The following TRPM6 variants were observed in gnomAD, a reference collection of about 807,000 sequenced individuals.
The protein encoded by TRPM6 is transient receptor potential cation channel subfamily M member 6, also known as channel kinase 2.
In TRPM6, 111 loss-of-function variants were observed where a neutral mutation model predicts 247.6. That is an observed-to-expected ratio of 0.45 (90% confidence interval 0.38 to 0.52). The LOEUF (loss-of-function observed/expected upper bound fraction) is 0.52, where lower values mean the gene tolerates loss of function less well. Ranked by LOEUF, TRPM6 falls within the 20% of genes least tolerant of loss-of-function variation. The pLI is 0.00. For missense variants in TRPM6, 2,126 were observed against 2,421.5 expected (o/e 0.88, Z 2.56); for synonymous variants, 892 against 853.8 (o/e 1.04, Z -0.78).
At chr9:74,773,792 G>T (rs796904444) in intron 24 of TRPM6, among the ~76,000 whole-genome samples, 14 of 152,192 alleles carry the variant, frequency 9.2e-5, no homozygotes, top group African/African-American at 3.4e-4. Context: ...TGAAAACATG[G>T]CTAAAAGTAT....
chr9:74,795,488 C>T lies in TRPM6; in HGVS notation c.2391+1253G>A, dbSNP rs527627112. Among the ~76,000 whole-genome samples the T allele has an allele frequency of 2.0e-5, 3 of 152,294 alleles. No homozygotes were observed. In the South Asian group the frequency reaches 6.2e-4, roughly 32 times the overall value. On this transcript the variant is annotated intron_variant, in intron 18 of 38. Transcript: ENST00000360774. The stretch of plus-strand genomic sequence containing the variant: ...CCTAGATTCCAGCTGAACCATACCA[C>T]TTGCGATGCTTTACATATACCTTGC...
chr9:74,796,777 G>T lies in TRPM6; in HGVS notation c.2355C>A (p.Asp785Glu), dbSNP rs376737784. Residue 785 changes from aspartate to glutamate, a missense_variant, in exon 18 of 39, where the codon GAC becomes GAA. Transcript: ENST00000360774. Reference protein sequence around the residue: ...QDFQFMWYYSDQNASSSKESA... With the variant: ...QDFQFMWYYSEQNASSSKESA... ...TTTCTTTGGAACTGCTGGCGTTCTG[G>T]TCACTGTAATACCACATAAATTGGA... The T allele has an allele frequency of 1.9e-6, 3 of 1,614,018 alleles. No individual in the cohort carries two copies. In the East Asian group the frequency reaches 6.7e-5, roughly 36 times the overall value.
intron 1 of TRPM6, among the ~76,000 whole-genome samples, chr9:74,883,776 A>C (rs1831438785): frequency 6.6e-6 from 1 of 152,140 alleles, no homozygotes; most frequent in Non-Finnish European, 1.5e-5. Flanking sequence ...AGGTTGAGGT[A>C]AGAGGATCCT....
intron 23 of TRPM6, among the ~76,000 whole-genome samples, chr9:74,781,072 G>A (rs1169295282): frequency 4.6e-5 from 7 of 152,114 alleles, no homozygotes; most frequent in Non-Finnish European, 8.8e-5. Context: ...AGAGAACTGG[G>A]CTGGGGATAT....
rs1826676416 is a variant in TRPM6, at chr9:74,762,394, G to A, written c.4277C>T (p.Thr1426Ile). Residue 1426 changes from threonine (T) to isoleucine (I), a missense_variant, in exon 26 of 39, where the codon ACT (threonine) becomes ATT (isoleucine). Physicochemically the swap from Thr to Ile is moderately conservative, Grantham distance 89. Coordinates refer to ENST00000360774, the MANE Select transcript of TRPM6 (RefSeq NM_017662.5). ...GQDKAEQVLP[T>I]LSCTPEPMTM... ...CATGGGTTCAGGTGTGCAACTCAAAGTGGGTAGCACTTGCTCTGCCTTGTC... is the reference window on the plus strand; with the variant it reads ...CATGGGTTCAGGTGTGCAACTCAAAATGGGTAGCACTTGCTCTGCCTTGTC... 4 of 1,614,226 alleles carry A rather than the reference G, an allele frequency of 2.5e-6. No individual in the cohort carries two copies. Among genetic ancestry groups the A allele is most frequent in the Non-Finnish European group, 3.4e-6 (4 of 1,180,044 alleles).
intron 28 of TRPM6, among the ~76,000 whole-genome samples, 187 bp from the exon 29 acceptor site, chr9:74,752,555 A>G (rs139465781): frequency 1.5e-4 from 23 of 152,196 alleles, no homozygotes; most frequent in African/African-American, 5.3e-4. Context: ...TGAAAACTAT[A>G]TATTCTATTT....
Position 74,788,668 on chromosome 9 carries a change from C to T in TRPM6, c.2613G>A (p.Gln871=), listed in dbSNP as rs1199806660. The T allele has an allele frequency of 6.2e-7, 1 of 1,614,098 alleles. No individual in the cohort carries two copies. The highest frequency in any genetic ancestry group is 1.1e-5 in the South Asian group (1 of 91,082). Reference sequence around the variant, plus strand: ...AGATGTAAATGCTAACAAGCCACTCCTGCACGCTGGGCTGGGGCTGCATCT... The same window carrying T: ...AGATGTAAATGCTAACAAGCCACTCTTGCACGCTGGGCTGGGGCTGCATCT... The part of the protein sequence containing the change: ...LVEMQPQPSV[Q]EWLVSIYIFT... The change falls in exon 20 of 39, where the codon CAG becomes CAA. Residue 871 remains glutamine, a synonymous_variant. Transcript: ENST00000360774.
At chr9:74,749,108 A>T (rs1826152141) in intron 30 of TRPM6, among the ~76,000 whole-genome samples, 1 of 152,338 alleles carries the variant, frequency 6.6e-6, no homozygotes, top group South Asian at 2.1e-4. Context: ...AAGCTAAACC[A>T]TATAGCCTAG....
chr9:74,731,261 A>G (rs1825509529), intron 37 of TRPM6, among the ~76,000 whole-genome samples: 2 of 152,208 alleles, frequency 1.3e-5, no homozygotes. Context: ...AACTTGGTTC[A>G]TTATATATGC....
rs7858755 is a variant in TRPM6, at chr9:74,792,820, A to T, written c.2392-50T>A. The T allele has an allele frequency of 3.9e-6, 6 of 1,553,578 alleles. No homozygotes were observed. In the South Asian group the frequency reaches 6.7e-5, roughly 17 times the overall value. Reference sequence around the variant, plus strand: ...TTCTTGTCAGCAGCTTAACTAAAATAGTGACAAGCATGAACATCCAAAAAA... The same window carrying T: ...TTCTTGTCAGCAGCTTAACTAAAATTGTGACAAGCATGAACATCCAAAAAA... On this transcript the variant is annotated intron_variant, in intron 18 of 38. Coordinates refer to ENST00000360774, the MANE Select transcript of TRPM6 (RefSeq NM_017662.5).
intron 25 of TRPM6, among the ~76,000 whole-genome samples, chr9:74,769,508 C>T (rs528502429): frequency 2.6e-5 from 4 of 152,040 alleles, no homozygotes; most frequent in African/African-American, 9.7e-5. Flanking sequence ...CCTGTAATAC[C>T]AGCACTGTGG....
intron 16 of TRPM6, 143 bp downstream of exon 16, chr9:74,801,755 G>A: frequency 9.8e-7 from 1 of 1,025,376 alleles, no homozygotes; most frequent in Non-Finnish European, 1.5e-6. Flanking sequence ...TAGAATACCT[G>A]AAGACCCTTT....
chr9:74,773,387 T>C (rs1827115400), intron 24 of TRPM6, among the ~76,000 whole-genome samples: 1 of 152,220 alleles, frequency 6.6e-6, no homozygotes, highest in Non-Finnish European at 1.5e-5. Context: ...TACTGAAGAA[T>C]GAGATGTTAT....
At chr9:74,807,934 T>C in intron 14 of TRPM6, 100 bp downstream of exon 14, 2 of 1,326,040 alleles carry the variant, frequency 1.5e-6, no homozygotes, top group South Asian at 1.2e-5. Context: ...AAAATGACCA[T>C]TTTAGGAGCT....
chr9:74,887,094 C>T (rs1831554730), intron 1 of TRPM6: 1 of 471,222 alleles, frequency 2.1e-6, no homozygotes, highest in Non-Finnish European at 3.5e-6. Flanking sequence ...GGAGCACCCT[C>T]CCTCTCCAAG....
At chr9:74,752,769 C>T (rs1826294106) in intron 28 of TRPM6, among the ~76,000 whole-genome samples, 1 of 151,996 alleles carries the variant, frequency 6.6e-6, no homozygotes, top group Admixed American at 6.6e-5. Flanking sequence ...GGAATCCTTC[C>T]TTAGCAACTG....
intron 4 of TRPM6, among the ~76,000 whole-genome samples, chr9:74,841,505 CT>C (rs199836895): frequency 0.18 from 26,904 of 148,748 alleles, 2,533 homozygotes; most frequent in East Asian, 0.28. Context: ...CTTTGAACTT[CT>C]TTTTTTTTTT....
At chr9:74,737,321 C>T in intron 36 of TRPM6, 1 of 1,256,458 alleles carries the variant, frequency 8.0e-7, no homozygotes, top group Non-Finnish European at 1.0e-6. Context: ...GAGCATGTGA[C>T]ACAAGTTTCA....
intron 33 of TRPM6, among the ~76,000 whole-genome samples, chr9:74,740,338 C>T (rs1825823169): frequency 6.6e-6 from 1 of 152,138 alleles, no homozygotes; most frequent in South Asian, 2.1e-4. Context: ...TCTAAAGAGA[C>T]GGTTTAACCT....
Sources: allele counts gnomAD v4.1 joint callset (sites outside exome capture counted in the v4.1 genomes callset), GRCh38; gene constraint gnomAD v4.1.1; transcripts MANE v1.5; gene names NCBI Gene and HGNC (gene_info 2026-07-23, HGNC 2026-07-21).